Variants in MYRFL observed in about 807,000 individuals in gnomAD.
MYRFL encodes myelin regulatory factor-like protein.
MYRFL carries 88 observed loss-of-function variants against 109.4 expected under a neutral mutation model. The ratio of observed to expected loss-of-function variants is 0.80; its 90% confidence interval spans 0.68 to 0.96. MYRFL has a LOEUF of 0.96. MYRFL is among the 40% of genes least tolerant of loss of function. MYRFL has a pLI of 0.00. For missense variants in MYRFL, 957 were observed against 954.9 expected, an observed-to-expected ratio of 1.00 and a Z score of -0.03; for synonymous variants, 324 against 320.9, an observed-to-expected ratio of 1.01 and a Z score of -0.10.
chr12:69,851,557 C>G (rs12371636), intron 1 of MYRFL, among the ~76,000 whole-genome samples: 3 of 152,200 alleles, frequency 2.0e-5, no homozygotes, highest in Admixed American at 6.5e-5. Context: ...GTGAGGAAAG[C>G]TGGCAGACAG....
chr12:69,889,633 C>T (rs896639589), intron 6 of MYRFL, among the ~76,000 whole-genome samples: 8 of 152,158 alleles, frequency 5.3e-5, no homozygotes, highest in African/African-American at 1.7e-4. Context: ...GGCCGCAGAT[C>T]ACCTGAGGTC....
intron 1 of MYRFL, 120 bp downstream of exon 1, chr12:69,825,683 A>G: frequency 1.6e-6 from 1 of 632,762 alleles, no homozygotes; most frequent in Non-Finnish European, 2.8e-6. Context: ...TACTTAGGTA[A>G]CTCTCCTAAT....
In MYRFL at chr12:69,855,154, G is replaced by A. The variant is rs952029171; in HGVS notation, c.47-126G>A. On this transcript the variant is annotated intron_variant, in intron 1 of 24. Coordinates refer to ENST00000552032, the MANE Select transcript of MYRFL (RefSeq NM_182530.3). ...AATGTTTACTTTGTGCCTCTTCCAT[G>A]CTGTTGATCCTTGTGGATACAATAA... The A allele has an allele frequency of 4.7e-5, 23 of 487,606 alleles. No homozygotes were observed. In the Admixed American group the frequency reaches 7.3e-4, roughly 16 times the overall value. The allele number at this position is 487,606 out of a possible 1,614,324, so 30.2% of individuals were successfully genotyped here.
intron 10 of MYRFL, among the ~76,000 whole-genome samples, chr12:69,899,731 C>A (rs1309760545): frequency 6.6e-6 from 1 of 152,084 alleles, no homozygotes; most frequent in East Asian, 1.9e-4. Flanking sequence ...AGAATTCTGA[C>A]CAAGCTTGTC....
chr12:69,891,249 A>G, intron 7 of MYRFL, 83 bp downstream of exon 7: 1 of 1,006,762 alleles, frequency 9.9e-7, no homozygotes, highest in Non-Finnish European at 1.4e-6. Context: ...AAACTATCCC[A>G]AAATGACTTA....
At chr12:69,891,271 G>A (rs1302082789) in intron 7 of MYRFL, 105 bp downstream of exon 7, 1 of 878,066 alleles carries the variant, frequency 1.1e-6, no homozygotes, top group East Asian at 3.0e-5. Context: ...AATAATAACA[G>A]TCCTTTATTT....
At chr12:69,848,689 C>T (rs1186237200) in intron 1 of MYRFL, among the ~76,000 whole-genome samples, 3 of 152,042 alleles carry the variant, frequency 2.0e-5, no homozygotes. Context: ...CAAATTATTT[C>T]CACCTTTCTG....
intron 1 of MYRFL, among the ~76,000 whole-genome samples, chr12:69,842,627 C>T (rs1165763969): frequency 1.3e-5 from 2 of 152,226 alleles, no homozygotes; most frequent in Non-Finnish European, 2.9e-5. Flanking sequence ...CTACCATGTT[C>T]TTCACCTGCC....
At chr12:69,893,886 A>G in intron 8 of MYRFL, 46 bp downstream of exon 8, 1 of 893,942 alleles carries the variant, frequency 1.1e-6, no homozygotes, top group Non-Finnish European at 1.5e-6. Context: ...TTTGTGAATA[A>G]ACACCTACTT....
At chr12:69,879,839 CTT>C (rs1384505013) in intron 4 of MYRFL, among the ~76,000 whole-genome samples, 1 of 152,146 alleles carries the variant, frequency 6.6e-6, no homozygotes, top group East Asian at 1.9e-4. Context: ...CCTTTTCTTT[CTT>C]TTATTTCCTC....
intron 6 of MYRFL, among the ~76,000 whole-genome samples, chr12:69,889,013 T>C (rs1323366210): frequency 6.6e-6 from 1 of 152,156 alleles, no homozygotes; most frequent in African/African-American, 2.4e-5. Context: ...ACTTGATCCA[T>C]TGGGAAGGTG....
intron 19 of MYRFL, among the ~76,000 whole-genome samples, chr12:69,937,704 A>G (rs1265975387): frequency 6.6e-6 from 1 of 152,236 alleles, no homozygotes; most frequent in Non-Finnish European, 1.5e-5. Flanking sequence ...TCTAACATGT[A>G]TGGAGAAGAT....
chr12:69,958,058 G>T, intron 23 of MYRFL, 116 bp downstream of exon 23: 1 of 1,402,040 alleles, frequency 7.1e-7, no homozygotes, highest in Non-Finnish European at 9.4e-7. Flanking sequence ...CCTCTTCCTT[G>T]TGTCCTTATG....
At chr12:69,903,495 C>G (rs55916484) in intron 10 of MYRFL, 149 bp from the exon 11 acceptor site, 58,995 of 905,496 alleles carry the variant, frequency 0.065, 2,194 homozygotes, top group Non-Finnish European at 0.075. Context: ...CCCGGAATTA[C>G]TTGGATATGT....
At chr12:69,878,818 G>A (rs1024561375) in intron 2 of MYRFL, among the ~76,000 whole-genome samples, 3 of 152,098 alleles carry the variant, frequency 2.0e-5, no homozygotes, top group Non-Finnish European at 4.4e-5. Flanking sequence ...GGAAGTGGAA[G>A]AGCTGGGACC....
chr12:69,856,591 C>A (rs1430990022), intron 2 of MYRFL, among the ~76,000 whole-genome samples: 1 of 151,918 alleles, frequency 6.6e-6, no homozygotes, highest in African/African-American at 2.4e-5. Flanking sequence ...TTTATTATAG[C>A]CATTCTAATT....
At chr12:69,912,099 T>A (rs530997061) in intron 13 of MYRFL, among the ~76,000 whole-genome samples, 1 of 152,294 alleles carries the variant, frequency 6.6e-6, no homozygotes, top group Non-Finnish European at 1.5e-5. Flanking sequence ...AACTCTTAGA[T>A]GACATGGTCT....
chr12:69,913,567 G>T (rs1425597153), intron 13 of MYRFL, among the ~76,000 whole-genome samples: 1 of 152,142 alleles, frequency 6.6e-6, no homozygotes, highest in Non-Finnish European at 1.5e-5. Context: ...TTTTCCCATT[G>T]AATGGTCTTG....
rs1373339668 is a variant in MYRFL, at chr12:69,959,010, A to G, written c.*479A>G. ...CTGATACTGAGCTCACATTTAGGCA[A>G]ATTGTCCTATGTGTGTGTGTATTGT... is the stretch of plus-strand genomic sequence containing the variant. On this transcript the variant is annotated 3_prime_UTR_variant, in exon 25 of 25. Coordinates refer to ENST00000552032, the MANE Select transcript of MYRFL (RefSeq NM_182530.3). The G allele has an allele frequency of 6.2e-6, 1 of 160,684 alleles. No homozygotes were observed. The highest frequency in any genetic ancestry group is 2.4e-5 in the African/African-American group (1 of 41,492). The allele number at this position is 160,684 out of a possible 1,614,324, so 10.0% of individuals were successfully genotyped here.
Sources: allele counts gnomAD v4.1 joint callset (sites outside exome capture counted in the v4.1 genomes callset), GRCh38; gene constraint gnomAD v4.1.1; transcripts MANE v1.5; gene names NCBI Gene and HGNC (gene_info 2026-07-23, HGNC 2026-07-21).